The following NRXN3 variants were observed in gnomAD, a reference collection of about 807,000 sequenced individuals.
NRXN3 encodes the protein neurexin 3.
A neutral mutation model predicts 137.6 loss-of-function variants in NRXN3; 32 were observed. The observed-to-expected ratio is 0.23, with a 90% CI of 0.18 to 0.31. The LOEUF (loss-of-function observed/expected upper bound fraction) is 0.31, where lower values mean the gene tolerates loss of function less well. NRXN3 is among the 10% of genes least tolerant of loss of function. The probability of loss-of-function intolerance (pLI) is 1.00; values close to 1 mark genes in which losing one functional copy is unlikely to be tolerated. For synonymous variants in NRXN3, 798 were observed against 784.5 expected, an observed-to-expected ratio of 1.02 and a Z score of -0.29; for missense variants, 1,574 against 2,062.5, an observed-to-expected ratio of 0.76 and a Z score of 4.59.
chr14:79,784,420 T>G (rs1014070323), intron 19 of NRXN3, among the ~76,000 whole-genome samples: 5 of 152,166 alleles, frequency 3.3e-5, no homozygotes, highest in African/African-American at 1.2e-4. Flanking sequence ...TTTGCATGTC[T>G]TCTTTATTTT....
In NRXN3 at chr14:79,040,590, A is replaced by G. The variant is rs533481299; in HGVS notation, c.3262+52449A>G. Among the ~76,000 whole-genome samples, 5 of 152,244 alleles carry G rather than the reference A, an allele frequency of 3.3e-5. No individual in the cohort carries two copies. The South Asian group carries it at 1.0e-3, about 32-fold the overall frequency. ...GCATTACCCAGAGTTCTTTGTCTTA[A>G]AACCAAGAGAATTAAGGAGCATGGA... On this transcript the variant is annotated intron_variant, in intron 15 of 20. Coordinates refer to ENST00000335750, the MANE Select transcript of NRXN3 (RefSeq NM_001330195.2).
At chr14:79,195,322 A>T (rs1454668467) in intron 15 of NRXN3, among the ~76,000 whole-genome samples, 1 of 152,240 alleles carries the variant, frequency 6.6e-6, no homozygotes, top group Non-Finnish European at 1.5e-5. Context: ...AAGAGAAAGG[A>T]AAAGTTCTCA....
In NRXN3 at chr14:79,187,857, G is replaced by A. The variant is rs1340842683; in HGVS notation, c.3262+199716G>A. 5.9e-5 allele frequency among the ~76,000 whole-genome samples: 9 copies of A among 152,336 alleles called. 3 individuals carry two copies. Among genetic ancestry groups the A allele is most frequent in the Admixed American group, 5.9e-4 (9 of 15,296 alleles). On this transcript the variant is annotated intron_variant, in intron 15 of 20. Transcript: ENST00000335750. ...AATTGTTTGCGACTTGAGGACATGGGTCATGCCCTCTGTGTGTACCACTCA... is the reference window on the plus strand; with the variant it reads ...AATTGTTTGCGACTTGAGGACATGGATCATGCCCTCTGTGTGTACCACTCA...
At chr14:79,600,822 T>C (rs2097913691) in intron 16 of NRXN3, among the ~76,000 whole-genome samples, 1 of 151,018 alleles carries the variant, frequency 6.6e-6, no homozygotes, top group Admixed American at 6.6e-5. Flanking sequence ...GAGCAGGGAA[T>C]AGACAAGATG....
At chr14:79,487,717 C>A (rs1002583616) in intron 16 of NRXN3, among the ~76,000 whole-genome samples, 1 of 152,132 alleles carries the variant, frequency 6.6e-6, no homozygotes, top group Non-Finnish European at 1.5e-5. Flanking sequence ...TGTGTTACAA[C>A]CTTAGTAGCT....
At chr14:78,258,431 CA>C (rs1011740917) in intron 2 of NRXN3, among the ~76,000 whole-genome samples, 3 of 142,482 alleles carry the variant, frequency 2.1e-5, no homozygotes, top group African/African-American at 8.0e-5. Context: ...CAATGGTTGG[CA>C]TTGGCGGGGG....
In NRXN3 at chr14:79,321,866, T is replaced by C. The variant is rs985536757; in HGVS notation, c.3263-145355T>C. On this transcript the variant is annotated intron_variant, in intron 15 of 20. Transcript: ENST00000335750. Reference sequence around the variant, plus strand: ...CTATATTATTTATATATAAACTATATATAAATATAACTATATATATACACA... The same window carrying C: ...CTATATTATTTATATATAAACTATACATAAATATAACTATATATATACACA... Among the ~76,000 whole-genome samples, 43 of 148,960 alleles carry C rather than the reference T, an allele frequency of 2.9e-4. No individual in the cohort carries two copies. In the South Asian group the frequency reaches 3.3e-3, roughly 12 times the overall value.
intron 10 of NRXN3, among the ~76,000 whole-genome samples, chr14:78,914,026 G>C (rs980194132): frequency 6.6e-6 from 1 of 152,152 alleles, no homozygotes; most frequent in Admixed American, 6.5e-5. Context: ...TTCTTGAACT[G>C]ATCTGAGCCA....
At chr14:79,622,893 G>T (rs1283635110) in intron 16 of NRXN3, among the ~76,000 whole-genome samples, 1 of 152,144 alleles carries the variant, frequency 6.6e-6, no homozygotes, top group Non-Finnish European at 1.5e-5. Context: ...ACCGCACCCG[G>T]CCTATTACTT....
At chr14:79,806,522 C>T (rs960527091) in intron 20 of NRXN3, among the ~76,000 whole-genome samples, 1 of 151,942 alleles carries the variant, frequency 6.6e-6, no homozygotes, top group Non-Finnish European at 1.5e-5. Flanking sequence ...CTGGTCAGGG[C>T]TTTCTTTTTC....
At chr14:79,199,941 C>G (rs12588070) in intron 15 of NRXN3, 95,666 of 151,960 alleles carry the variant, frequency 0.63, 31,128 homozygotes, top group East Asian at 0.92. Context: ...ATTTTGAGAA[C>G]CACTGATGGT....
At chr14:79,130,450 C>T (rs2057293114) in intron 15 of NRXN3, among the ~76,000 whole-genome samples, 1 of 151,746 alleles carries the variant, frequency 6.6e-6, no homozygotes, top group African/African-American at 2.4e-5. Context: ...CTTAGTTTGG[C>T]TGGATATGAA....
At chr14:79,057,752 A>T (rs2099667664) in intron 15 of NRXN3, among the ~76,000 whole-genome samples, 2 of 152,204 alleles carry the variant, frequency 1.3e-5, no homozygotes, top group African/African-American at 2.4e-5. Flanking sequence ...TCCAGTTTGC[A>T]CTGCACTGGG....
At chr14:79,663,063 A>G (rs773261280) in intron 16 of NRXN3, among the ~76,000 whole-genome samples, 2 of 152,084 alleles carry the variant, frequency 1.3e-5, no homozygotes, top group African/African-American at 2.4e-5. Context: ...GCTGTGTTGC[A>G]TAAGCTCTGG....
chr14:79,652,042 G>T (rs1296328280), intron 16 of NRXN3, among the ~76,000 whole-genome samples: 2 of 152,078 alleles, frequency 1.3e-5, no homozygotes, highest in African/African-American at 4.8e-5. Flanking sequence ...TATTACAGTT[G>T]GATTATAGAT....
At chr14:79,077,333 G>A (rs943998041) in intron 15 of NRXN3, among the ~76,000 whole-genome samples, 8 of 152,148 alleles carry the variant, frequency 5.3e-5, no homozygotes, top group African/African-American at 1.9e-4. Flanking sequence ...TAACCACATA[G>A]CCCGAGGCAC....
intron 15 of NRXN3, among the ~76,000 whole-genome samples, chr14:79,259,508 G>T (rs1461921870): frequency 1.3e-5 from 2 of 149,042 alleles, no homozygotes; most frequent in African/African-American, 2.5e-5. Context: ...TAAGGTTTTA[G>T]TTATATATAT....
intron 10 of NRXN3, among the ~76,000 whole-genome samples, chr14:78,837,007 G>C (rs1401060622): frequency 1.3e-5 from 2 of 152,112 alleles, no homozygotes; most frequent in Non-Finnish European, 2.9e-5. Context: ...CAGTGTTCAA[G>C]TTCACTTGTT....
chr14:79,506,163 A>G (rs1601381364), intron 16 of NRXN3, among the ~76,000 whole-genome samples: 3 of 152,194 alleles, frequency 2.0e-5, no homozygotes, highest in African/African-American at 4.8e-5. Context: ...CACCTTTGTA[A>G]TATTGGTTAA....
Sources: allele counts gnomAD v4.1 joint callset (sites outside exome capture counted in the v4.1 genomes callset), GRCh38; gene constraint gnomAD v4.1.1; transcripts MANE v1.5; gene names NCBI Gene and HGNC (gene_info 2026-07-23, HGNC 2026-07-21).